MALRD1: variants seen among roughly 807,000 people sequenced by gnomAD.
MALRD1 encodes MAM and LDL receptor class A domain containing 1, also known as MAM and LDL-receptor class A domain-containing protein 1.
MALRD1 carries 247 observed loss-of-function variants against 242.1 expected under a neutral mutation model. The observed-to-expected ratio is 1.02, with a 90% CI of 0.92 to 1.13. The LOEUF (loss-of-function observed/expected upper bound fraction) is 1.13. Ranked by LOEUF, MALRD1 falls within the 50% of genes most tolerant of loss-of-function variation. MALRD1 has a pLI of 0.00. For synonymous variants in MALRD1, 995 were observed against 866.6 expected (o/e 1.15, Z -2.60); for missense variants, 2,989 against 2,533.1 (o/e 1.18, Z -3.86).
At chr10:19,705,526 T>C (rs1833821864) in intron 38 of MALRD1, among the ~76,000 whole-genome samples, 1 of 152,182 alleles carries the variant, frequency 6.6e-6, no homozygotes, top group East Asian at 1.9e-4. Context: ...CCCTTGTGCA[T>C]GTATTGGCCA....
intron 18 of MALRD1, among the ~76,000 whole-genome samples, chr10:19,238,661 TA>T (rs1838611196): frequency 7.0e-6 from 1 of 142,536 alleles, no homozygotes; most frequent in Non-Finnish European, 1.5e-5. Flanking sequence ...AGTGCTACAG[TA>T]AACATAAGAG....
intron 14 of MALRD1, among the ~76,000 whole-genome samples, chr10:19,201,028 A>G (rs923148695): frequency 6.6e-6 from 1 of 152,098 alleles, no homozygotes; most frequent in Non-Finnish European, 1.5e-5. Context: ...TTATTGCAAA[A>G]ATGAGGATTC....
chr10:19,549,735 G>A (rs1038962532), intron 32 of MALRD1, among the ~76,000 whole-genome samples: 1 of 152,128 alleles, frequency 6.6e-6, no homozygotes, highest in South Asian at 2.1e-4. Context: ...AACTGAACCT[G>A]CAATATCTTT....
At chr10:19,271,378 G>A (rs1372931313) in intron 19 of MALRD1, among the ~76,000 whole-genome samples, 1 of 152,176 alleles carries the variant, frequency 6.6e-6, no homozygotes, top group Non-Finnish European at 1.5e-5. Flanking sequence ...TACAGAGAAA[G>A]CTTCCATTCA....
At chr10:19,208,144 T>G (rs1459568458) in intron 17 of MALRD1, among the ~76,000 whole-genome samples, 1 of 151,884 alleles carries the variant, frequency 6.6e-6, no homozygotes, top group Non-Finnish European at 1.5e-5. Context: ...AAGCAAAACA[T>G]CAGATAAGGC....
At chr10:19,444,704 G>C (rs544926727) in intron 28 of MALRD1, among the ~76,000 whole-genome samples, 20 of 152,236 alleles carry the variant, frequency 1.3e-4, no homozygotes, top group South Asian at 1.0e-3. Context: ...CATCCCTTTC[G>C]TGGGTAACCC....
At chr10:19,478,973 A>T (rs1336677109) in intron 29 of MALRD1, among the ~76,000 whole-genome samples, 1 of 152,258 alleles carries the variant, frequency 6.6e-6, no homozygotes, top group African/African-American at 2.4e-5. Context: ...TGTAGGAATT[A>T]GCCTAGTACA....
intron 18 of MALRD1, among the ~76,000 whole-genome samples, chr10:19,231,821 C>A (rs7088424): frequency 0.43 from 65,231 of 151,368 alleles, 14,690 homozygotes; most frequent in Admixed American, 0.59. Context: ...GTCGGATCAC[C>A]GAGTCCCGCT....
chr10:19,498,130 C>T (rs1344813644), intron 30 of MALRD1, among the ~76,000 whole-genome samples: 1 of 152,108 alleles, frequency 6.6e-6, no homozygotes, highest in African/African-American at 2.4e-5. Flanking sequence ...GAATAAGGGA[C>T]GGAAGTGAAT....
chr10:19,456,700 T>A (rs970318749), intron 29 of MALRD1, among the ~76,000 whole-genome samples: 2 of 152,092 alleles, frequency 1.3e-5, no homozygotes, highest in Admixed American at 1.3e-4. Flanking sequence ...AAGAAGGCAA[T>A]GAGTAGAAAA....
At chr10:19,061,026 C>T (rs566720929) in intron 1 of MALRD1, among the ~76,000 whole-genome samples, 10 of 152,224 alleles carry the variant, frequency 6.6e-5, no homozygotes, top group Middle Eastern at 3.4e-3. Context: ...TAACAGAAAA[C>T]CAAACACCAC....
chr10:19,387,893 T>C (rs1237266489), intron 27 of MALRD1, 120 bp downstream of exon 27: 1 of 1,276,638 alleles, frequency 7.8e-7, no homozygotes, highest in Non-Finnish European at 1.1e-6. Flanking sequence ...TGCAAGGCGA[T>C]CAAACATTTA....
intron 21 of MALRD1, among the ~76,000 whole-genome samples, chr10:19,304,567 T>C (rs1200753013): frequency 6.6e-6 from 1 of 151,780 alleles, no homozygotes; most frequent in East Asian, 1.9e-4. Flanking sequence ...ACTCTAAATT[T>C]ATCAATGTCA....
intron 26 of MALRD1, among the ~76,000 whole-genome samples, chr10:19,379,511 C>T (rs1269436795): frequency 6.6e-6 from 1 of 152,108 alleles, no homozygotes; most frequent in Non-Finnish European, 1.5e-5. Context: ...AGGGTTCAAA[C>T]TATAACTACT....
chr10:19,458,374 A>T (rs910827674), intron 29 of MALRD1, among the ~76,000 whole-genome samples: 2 of 152,204 alleles, frequency 1.3e-5, no homozygotes, highest in African/African-American at 2.4e-5. Context: ...TATTAATAAC[A>T]TGTCCATACA....
At chr10:19,245,136 T>C (rs1838981993) in intron 18 of MALRD1, among the ~76,000 whole-genome samples, 1 of 152,182 alleles carries the variant, frequency 6.6e-6, no homozygotes, top group African/African-American at 2.4e-5. Flanking sequence ...TGTTTCAATG[T>C]TGAAATGTTG....
At chr10:19,491,111 G>T in intron 29 of MALRD1, 1 of 347,072 alleles carries the variant, frequency 2.9e-6, no homozygotes, top group South Asian at 2.9e-5. Context: ...CTTTGCTATA[G>T]ACTCAGATCA....
intron 39 of MALRD1, among the ~76,000 whole-genome samples, chr10:19,732,833 A>G (rs776996605): frequency 5.3e-5 from 8 of 152,152 alleles, no homozygotes; most frequent in Non-Finnish European, 8.8e-5. Flanking sequence ...TGCTTTCAAA[A>G]TGGTTTCCAC....
At chr10:19,355,883 C>CAT (rs1844615264) in intron 26 of MALRD1, among the ~76,000 whole-genome samples, 1 of 83,392 alleles carries the variant, frequency 1.2e-5, no homozygotes, top group African/African-American at 4.4e-5. Flanking sequence ...ATTAGCTAAG[C>CAT]ATATATATAT....
Sources: gnomAD v4.1 joint callset for allele counts (sites outside exome capture counted in the v4.1 genomes callset) on GRCh38, gnomAD v4.1.1 for gene constraint, MANE v1.5 for transcripts, NCBI Gene and HGNC (gene_info 2026-07-23, HGNC 2026-07-21) for gene names.